REEP1: variants seen among roughly 807,000 people sequenced by gnomAD.
The protein encoded by REEP1 is receptor accessory protein 1.
A neutral mutation model predicts 40.3 loss-of-function variants in REEP1; 22 were observed. The ratio of observed to expected loss-of-function variants is 0.55; its 90% CI spans 0.39 to 0.78. REEP1 has a LOEUF of 0.78. Among genes scored for constraint, REEP1 ranks in the 30% least tolerant of loss-of-function variants. The probability of loss-of-function intolerance (pLI) is 0.00; values close to 1 mark genes in which losing one functional copy is unlikely to be tolerated. For missense variants in REEP1, 280 were observed against 361.1 expected, an observed-to-expected ratio of 0.78 and a Z score of 1.82; for synonymous variants, 116 against 139.2, an observed-to-expected ratio of 0.83 and a Z score of 1.17.
chr2:86,293,734 A>G (rs1371897857), intron 1 of REEP1, among the ~76,000 whole-genome samples: 1 of 152,222 alleles, frequency 6.6e-6, no homozygotes, highest in Admixed American at 6.5e-5. Context: ...CACCATGTGA[A>G]CAAACACTGC....
At chr2:86,263,130 A>T (rs888372921) in intron 3 of REEP1, among the ~76,000 whole-genome samples, 1 of 152,252 alleles carries the variant, frequency 6.6e-6, no homozygotes, top group Non-Finnish European at 1.5e-5. Flanking sequence ...AAATTTAATA[A>T]GCAAAGTGAG....
chr2:86,264,180 C>G, intron 2 of REEP1, 139 bp from the exon 3 acceptor site: 1 of 717,394 alleles, frequency 1.4e-6, no homozygotes, highest in Non-Finnish European at 2.5e-6. Context: ...TTCTCCCTAT[C>G]CTTCCCCAGC....
intron 1 of REEP1, among the ~76,000 whole-genome samples, chr2:86,312,265 A>G (rs1007612202): frequency 6.6e-6 from 1 of 152,198 alleles, no homozygotes; most frequent in Non-Finnish European, 1.5e-5. Flanking sequence ...ACCATCACAC[A>G]TAACTTCATA....
chr2:86,251,854 C>T, intron 5 of REEP1, 103 bp downstream of exon 5: 1 of 849,460 alleles, frequency 1.2e-6, no homozygotes, highest in South Asian at 1.3e-5. Flanking sequence ...GATGAAAAAC[C>T]ACTGATTGGT....
rs1461406148 is a variant in REEP1, at chr2:86,216,416, C to A, written c.*623G>T. The A allele has an allele frequency of 6.6e-6, 1 of 152,460 alleles. No homozygotes were observed. Among genetic ancestry groups the A allele is most frequent in the Admixed American group, 6.5e-5 (1 of 15,318 alleles). 9.4% of individuals were successfully genotyped at this position (152,460 alleles called of 1,614,324 possible). On this transcript the variant is annotated 3_prime_UTR_variant, in exon 9 of 9. Transcript: ENST00000538924. Reference sequence around the variant, plus strand: ...CTATCTAAAGAATATAGACCACACTCCTGCAGGGAAAGGGATGTCTTACTG... The same window carrying A: ...CTATCTAAAGAATATAGACCACACTACTGCAGGGAAAGGGATGTCTTACTG...
At chr2:86,232,502 C>T (rs1675074637) in intron 6 of REEP1, 123 bp downstream of exon 6, 1 of 1,179,346 alleles carries the variant, frequency 8.5e-7, no homozygotes, top group Non-Finnish European at 1.2e-6. Flanking sequence ...ATCTGATGGA[C>T]ACCCCGTTGG....
At chr2:86,226,075 T>TCACCACCACCACCACCACCACCAC (rs70956105) in intron 7 of REEP1, among the ~76,000 whole-genome samples, 48 of 111,878 alleles carry the variant, frequency 4.3e-4, no homozygotes, top group Middle Eastern at 4.2e-3. Flanking sequence ...CTCCAGGCTA[T>TCACCACCACCACCACCACCACCAC]CACCACCACC....
intron 1 of REEP1, among the ~76,000 whole-genome samples, chr2:86,299,596 G>C (rs914929319): frequency 6.6e-6 from 1 of 152,076 alleles, no homozygotes; most frequent in Non-Finnish European, 1.5e-5. Context: ...GCATTATGTG[G>C]TTATATCATA....
chr2:86,308,684 C>T (rs1336612580), intron 1 of REEP1, among the ~76,000 whole-genome samples: 1 of 152,212 alleles, frequency 6.6e-6, no homozygotes, highest in South Asian at 2.1e-4. Flanking sequence ...GAGGCTTGAG[C>T]GCTGTCACTC....
Position 86,224,560 on chromosome 2 carries a change from G to A in REEP1, c.631+2803C>T, listed in dbSNP as rs539874362. On this transcript the variant is annotated intron_variant, in intron 7 of 8. Transcript: ENST00000538924. ...CTTGCATGCAGACCTGAGAGCCAGG[G>A]CACAGGTATTAAGAGGCCCTTGGAG... is the stretch of plus-strand genomic sequence containing the variant. Among the ~76,000 whole-genome samples the A allele has an allele frequency of 3.9e-5, 6 of 152,310 alleles. No individual in the cohort carries two copies. The South Asian group carries it at 1.2e-3, about 32-fold the overall frequency.
intron 6 of REEP1, among the ~76,000 whole-genome samples, chr2:86,231,107 C>G (rs1674986812): frequency 6.6e-6 from 1 of 152,228 alleles, no homozygotes; most frequent in South Asian, 2.1e-4. Context: ...TCTACTGCAG[C>G]CCAGCATGGG....
chr2:86,301,421 A>G (rs1426069827), intron 1 of REEP1, among the ~76,000 whole-genome samples: 1 of 152,220 alleles, frequency 6.6e-6, no homozygotes, highest in African/African-American at 2.4e-5. Context: ...ACCACGTATT[A>G]GCTTTATGAC....
intron 1 of REEP1, among the ~76,000 whole-genome samples, chr2:86,298,668 A>G (rs1679111491): frequency 6.6e-6 from 1 of 152,260 alleles, no homozygotes; most frequent in African/African-American, 2.4e-5. Flanking sequence ...CCCTGCATCC[A>G]GAGATAGTGT....
chr2:86,301,796 T>C (rs940069686), intron 1 of REEP1, among the ~76,000 whole-genome samples: 1 of 152,242 alleles, frequency 6.6e-6, no homozygotes, highest in African/African-American at 2.4e-5. Context: ...GAGAGTATAC[T>C]TAACACTTCA....
intron 1 of REEP1, among the ~76,000 whole-genome samples, chr2:86,305,691 C>G (rs893229685): frequency 4.6e-5 from 7 of 152,226 alleles, no homozygotes; most frequent in South Asian, 4.1e-4. Context: ...CCATCTGCCA[C>G]TCAGATTTGC....
intron 2 of REEP1, among the ~76,000 whole-genome samples, chr2:86,279,494 C>G (rs932973975): frequency 6.6e-6 from 1 of 152,176 alleles, no homozygotes; most frequent in African/African-American, 2.4e-5. Flanking sequence ...ACAACAATGG[C>G]TCCCCAAAGA....
At chr2:86,325,048 A>G (rs1384539223) in intron 1 of REEP1, among the ~76,000 whole-genome samples, 2 of 152,158 alleles carry the variant, frequency 1.3e-5, no homozygotes, top group African/African-American at 2.4e-5. Context: ...CTCATTAATT[A>G]CTTTTTGCAA....
intron 1 of REEP1, among the ~76,000 whole-genome samples, chr2:86,286,748 C>T (rs1412222051): frequency 6.6e-6 from 1 of 152,168 alleles, no homozygotes; most frequent in East Asian, 1.9e-4. Context: ...TAACTACAAG[C>T]TGTGGCACTG....
chr2:86,337,464 G>C lies in REEP1; in HGVS notation c.32+15C>G. ...AGGGAGGGGACGGAGGGGCGCGGGG[G>C]AGAAGGCCACTTACACCACCAGCCT... On this transcript the variant is annotated intron_variant, in intron 1 of 8. Coordinates refer to ENST00000538924, the MANE Select transcript of REEP1 (RefSeq NM_001371279.1). The surrounding 1 kb of genome is among the most constrained non-coding windows in gnomAD (Gnocchi z 5.8). The C allele has an allele frequency of 7.8e-7, 1 of 1,274,724 alleles. No homozygotes were observed. The highest frequency in any genetic ancestry group is 1.0e-6 in the Non-Finnish European group (1 of 1,004,966). The allele number at this position is 1,274,724 out of a possible 1,614,324, so 79.0% of individuals were successfully genotyped here. A position where few individuals can be genotyped will look rare whatever the true frequency, so the allele number is the denominator to read the frequency against.
Sources: gnomAD v4.1 joint callset for allele counts (sites outside exome capture counted in the v4.1 genomes callset) on GRCh38, gnomAD v4.1.1 for gene constraint, Gnocchi (gnomAD v3.1) non-coding constraint, MANE v1.5 for transcripts, NCBI Gene and HGNC (gene_info 2026-07-23, HGNC 2026-07-21) for gene names.